Variants in RTL4 observed in about 807,000 individuals in gnomAD.
RTL4 encodes the protein retrotransposon Gag like 4.
In RTL4, 4 loss-of-function variants were observed where a neutral mutation model predicts 5.3. The observed-to-expected ratio is 0.75, with a 90% confidence interval of 0.37 to 1.72. RTL4 has a LOEUF of 1.72. RTL4 is among the 40% of genes most tolerant of loss of function. RTL4 has a pLI of 0.04. For synonymous variants in RTL4, 98 were observed against 87.3 expected (o/e 1.12, Z -0.68); for missense variants, 260 against 227.1 (o/e 1.14, Z -0.93).
chrX:112,382,354 G>A, the RTL4 span: 1 of 438,485 alleles, frequency 2.3e-6, no homozygotes, highest in Non-Finnish European at 3.9e-6. Context: ...TTGGAGTGAA[G>A]GATTAGATGG....
chrX:112,311,484 A>G, the RTL4 span, among the ~76,000 whole-genome samples: 1 of 110,297 alleles, frequency 9.1e-6, no homozygotes, highest in Non-Finnish European at 1.9e-5. Flanking sequence ...TGATGCAGTA[A>G]CCTCGTTTAA....
the RTL4 span, among the ~76,000 whole-genome samples, chrX:112,390,105 TAATATATA>T: frequency 3.2e-4 from 13 of 40,538 alleles, no homozygotes; most frequent in African/African-American, 1.1e-3. Context: ...CATTTATATA[TAATATATA>T]TATATATATA....
At chrX:112,356,340 G>A in the RTL4 span, among the ~76,000 whole-genome samples, 1 of 111,331 alleles carries the variant, frequency 9.0e-6, no homozygotes, top group Non-Finnish European at 1.9e-5. Flanking sequence ...GTCTAGTCCA[G>A]ATTGATTTGT....
the RTL4 span, among the ~76,000 whole-genome samples, chrX:112,196,626 G>T: frequency 2.7e-5 from 3 of 111,464 alleles, no homozygotes; most frequent in South Asian, 1.1e-3. Context: ...CAGTTCTTCT[G>T]CATCCTTGCC....
chrX:112,329,707 A>G, the RTL4 span, among the ~76,000 whole-genome samples: 1 of 111,158 alleles, frequency 9.0e-6, no homozygotes, highest in Non-Finnish European at 1.9e-5. Flanking sequence ...ACACAACCAA[A>G]AAAGAGAATT....
the RTL4 span, among the ~76,000 whole-genome samples, chrX:112,309,131 A>G: frequency 8.9e-6 from 1 of 111,837 alleles, no homozygotes; most frequent in African/African-American, 3.2e-5. Context: ...AAAATACCAT[A>G]GACTGGGTAG....
the RTL4 span, among the ~76,000 whole-genome samples, chrX:112,290,164 T>C: frequency 9.0e-6 from 1 of 111,667 alleles, no homozygotes; most frequent in East Asian, 2.8e-4. Flanking sequence ...TTATTGAAAT[T>C]ATTGTCTGGA....
the RTL4 span, chrX:112,320,336 T>A: frequency 9.0e-6 from 1 of 110,647 alleles, no homozygotes. Context: ...TTTGAAGCTG[T>A]TTATTTCTGA....
the RTL4 span, among the ~76,000 whole-genome samples, chrX:112,425,595 G>C: frequency 3.6e-5 from 4 of 111,269 alleles, no homozygotes; most frequent in Non-Finnish European, 3.8e-5. Context: ...ATTTGGTGTC[G>C]TCAGTGTTTG....
the RTL4 span, among the ~76,000 whole-genome samples, chrX:112,229,231 C>T: frequency 8.9e-6 from 1 of 112,094 alleles, no homozygotes; most frequent in Non-Finnish European, 1.9e-5. Context: ...AGGAACTGTG[C>T]CAGGCATGGA....
the RTL4 span, among the ~76,000 whole-genome samples, chrX:112,099,492 G>A: frequency 9.0e-6 from 1 of 111,185 alleles, no homozygotes; most frequent in African/African-American, 3.3e-5. Context: ...CTATCCAGAG[G>A]GAACAGCACG....
At chrX:112,422,031 T>G in the RTL4 span, among the ~76,000 whole-genome samples, 1 of 111,992 alleles carries the variant, frequency 8.9e-6, no homozygotes, top group African/African-American at 3.2e-5. Context: ...TGAGAATCAA[T>G]TTTGTCCAAT....
the RTL4 span, among the ~76,000 whole-genome samples, chrX:112,155,107 T>C: frequency 7.2e-5 from 8 of 110,767 alleles, no homozygotes; most frequent in African/African-American, 2.6e-4. Flanking sequence ...AATCTGTTGG[T>C]GCCTCGATCT....
At chrX:112,361,272 C>CACATATA in the RTL4 span, among the ~76,000 whole-genome samples, 3 of 111,050 alleles carry the variant, frequency 2.7e-5, no homozygotes, top group African/African-American at 9.8e-5. Context: ...TATATATATA[C>CACATATA]AATTAGCAAC....
chrX:112,428,105 T>C, the RTL4 span, among the ~76,000 whole-genome samples: 1 of 111,956 alleles, frequency 8.9e-6, no homozygotes, highest in East Asian at 2.8e-4. Flanking sequence ...CATTATTTTG[T>C]TCTTTTTCAT....
the RTL4 span, among the ~76,000 whole-genome samples, chrX:112,177,790 T>A: frequency 1.8e-5 from 2 of 111,219 alleles, no homozygotes; most frequent in South Asian, 7.6e-4. Context: ...TTTCTCTACC[T>A]GGTAATCACA....
chrX:112,411,079 A>T, the RTL4 span, among the ~76,000 whole-genome samples: 1 of 111,749 alleles, frequency 8.9e-6, no homozygotes, highest in African/African-American at 3.2e-5. Flanking sequence ...ATTGGAAGCT[A>T]CTATATGCCA....
the RTL4 span, among the ~76,000 whole-genome samples, chrX:112,205,352 C>G: frequency 5.4e-5 from 6 of 110,919 alleles, no homozygotes; most frequent in Non-Finnish European, 7.6e-5. Flanking sequence ...TCATTGATGA[C>G]CTCTTAGGTC....
chrX:112,245,059 G>A, the RTL4 span, among the ~76,000 whole-genome samples: 1 of 112,428 alleles, frequency 8.9e-6, no homozygotes, highest in African/African-American at 3.2e-5. Context: ...TCTGCCAAGA[G>A]ATCCACTGTT....
Sources: gnomAD v4.1 joint callset for allele counts (sites outside exome capture counted in the v4.1 genomes callset) on GRCh38, gnomAD v4.1.1 for gene constraint, MANE v1.5 for transcripts, NCBI Gene and HGNC (gene_info 2026-07-23, HGNC 2026-07-21) for gene names.